The following CHODL variants were observed in gnomAD, a reference collection of about 807,000 sequenced individuals.
The protein encoded by CHODL is transmembrane protein MT75.
CHODL carries 29 observed loss-of-function variants against 34.5 expected under a neutral mutation model. The observed-to-expected ratio is 0.84, with a 90% CI of 0.63 to 1.15. The LOEUF (loss-of-function observed/expected upper bound fraction) is 1.15, where lower values mean the gene tolerates loss of function less well. CHODL is among the 50% of genes most tolerant of loss of function. The pLI, the probability that CHODL is intolerant of heterozygous loss-of-function variation, is 0.00. For synonymous variants in CHODL, 125 were observed against 116.1 expected, an observed-to-expected ratio of 1.08 and a Z score of -0.49; for missense variants, 332 against 332.5, an observed-to-expected ratio of 1.00 and a Z score of 0.01.
intron 2 of CHODL, among the ~76,000 whole-genome samples, chr21:18,114,011 T>C (rs1372135704): frequency 2.0e-5 from 3 of 152,142 alleles, no homozygotes; most frequent in Admixed American, 6.5e-5. Context: ...GAACTGGAGA[T>C]CATTATGTTA....
intron 2 of CHODL, among the ~76,000 whole-genome samples, chr21:18,087,872 C>G (rs1229506968): frequency 6.6e-6 from 1 of 152,154 alleles, no homozygotes; most frequent in Non-Finnish European, 1.5e-5. Context: ...TTAATTGACT[C>G]ATAGTTTTGC....
intron 2 of CHODL, among the ~76,000 whole-genome samples, chr21:18,039,977 G>A (rs1295171218): frequency 6.6e-6 from 1 of 151,632 alleles, no homozygotes; most frequent in African/African-American, 2.4e-5. Context: ...TCCAAACATG[G>A]ACTAAGTTCA....
intron 1 of CHODL, among the ~76,000 whole-genome samples, chr21:18,251,910 T>C (rs1393514195): frequency 1.3e-5 from 2 of 151,362 alleles, no homozygotes; most frequent in Non-Finnish European, 2.9e-5. Context: ...CTGCACATCC[T>C]ACATATGTAC....
intron 2 of CHODL, among the ~76,000 whole-genome samples, chr21:18,186,668 T>C (rs1308272203): frequency 6.6e-6 from 1 of 152,214 alleles, no homozygotes; most frequent in African/African-American, 2.4e-5. Flanking sequence ...TTTAGGAGTC[T>C]CAATAATACC....
intron 1 of CHODL, among the ~76,000 whole-genome samples, chr21:17,926,474 T>G (rs186518181): frequency 2.0e-5 from 3 of 152,038 alleles, no homozygotes; most frequent in Non-Finnish European, 4.4e-5. Flanking sequence ...GAAGTTTAAT[T>G]AACTCACAGT....
rs147213219 is a variant in CHODL, at chr21:18,266,369, C to T, written c.*331C>T. ...GAAGCAATTCCTTTTATTTCTTTCACCTTTCATAAGTTGTTATCTAGTCAA... is the reference window on the plus strand; with the variant it reads ...GAAGCAATTCCTTTTATTTCTTTCATCTTTCATAAGTTGTTATCTAGTCAA... On this transcript the variant is annotated 3_prime_UTR_variant, in exon 6 of 6. Coordinates refer to ENST00000299295, the MANE Select transcript of CHODL (RefSeq NM_024944.3). 190 of 522,832 alleles carry T rather than the reference C, an allele frequency of 3.6e-4. 1 individual carries two copies. Among genetic ancestry groups the T allele is most frequent in the Non-Finnish European group, 5.6e-4 (172 of 306,650 alleles). 32.4% of individuals were successfully genotyped at this position (522,832 alleles called of 1,614,324 possible). A position where few individuals can be genotyped will look rare whatever the true frequency, so the allele number is the denominator to read the frequency against.
At chr21:18,131,337 C>T (rs1190355902) in intron 2 of CHODL, among the ~76,000 whole-genome samples, 1 of 152,002 alleles carries the variant, frequency 6.6e-6, no homozygotes, top group African/African-American at 2.4e-5. Context: ...TCAGTCCATT[C>T]AATATCTTAA....
chr21:18,197,844 A>C (rs1253952007), intron 2 of CHODL, among the ~76,000 whole-genome samples: 1 of 152,190 alleles, frequency 6.6e-6, no homozygotes, highest in Non-Finnish European at 1.5e-5. Flanking sequence ...AGAAGAAGAA[A>C]CTGTAAAAGC....
chr21:18,168,361 A>G (rs1601096833), intron 2 of CHODL, among the ~76,000 whole-genome samples: 2 of 152,162 alleles, frequency 1.3e-5, no homozygotes, highest in African/African-American at 4.8e-5. Context: ...TAACGTGCCT[A>G]TGGTCATAGT....
intron 1 of CHODL, among the ~76,000 whole-genome samples, chr21:17,933,447 A>G (rs902578982): frequency 2.6e-5 from 4 of 152,310 alleles, no homozygotes; most frequent in South Asian, 2.1e-4. Flanking sequence ...TGACTCTTAA[A>G]GAGCATGCTG....
chr21:17,934,430 A>ACTCTCT (rs71189569), intron 1 of CHODL, among the ~76,000 whole-genome samples: 23 of 147,034 alleles, frequency 1.6e-4, no homozygotes, highest in South Asian at 4.3e-4. Flanking sequence ...TCTGTCTTTC[A>ACTCTCT]CTCTCTCTCT....
chr21:18,010,337 AAAAAAG>A (rs2064007071), intron 1 of CHODL, among the ~76,000 whole-genome samples: 1 of 151,022 alleles, frequency 6.6e-6, no homozygotes, highest in African/African-American at 2.4e-5. Flanking sequence ...AAAAAGGAAA[AAAAAAG>A]AAAACTGGTT....
intron 2 of CHODL, among the ~76,000 whole-genome samples, chr21:18,137,568 A>G (rs962868434): frequency 3.2e-4 from 48 of 152,074 alleles, no homozygotes; most frequent in African/African-American, 1.1e-3. Context: ...GAGCAATATC[A>G]CTCTCAACCT....
At chr21:18,068,007 T>C (rs1267869942) in intron 2 of CHODL, among the ~76,000 whole-genome samples, 1 of 152,148 alleles carries the variant, frequency 6.6e-6, no homozygotes, top group Non-Finnish European at 1.5e-5. Flanking sequence ...CTTCCATCTT[T>C]CTCTTTTCAT....
At chr21:17,921,630 C>A (rs548813717) in intron 1 of CHODL, among the ~76,000 whole-genome samples, 1 of 152,160 alleles carries the variant, frequency 6.6e-6, no homozygotes, top group Non-Finnish European at 1.5e-5. Flanking sequence ...TGAATTGAGA[C>A]GTGTGAGAAA....
chr21:18,152,862 C>A (rs1278381617), intron 2 of CHODL, among the ~76,000 whole-genome samples: 1 of 152,184 alleles, frequency 6.6e-6, no homozygotes, highest in South Asian at 2.1e-4. Context: ...AACTATTAGA[C>A]TCCAAATAAA....
At chr21:17,919,765 A>G (rs2063169660) in intron 1 of CHODL, among the ~76,000 whole-genome samples, 1 of 152,100 alleles carries the variant, frequency 6.6e-6, no homozygotes, top group East Asian at 1.9e-4. Flanking sequence ...TAGGCTGCAA[A>G]TTTTTCAAAC....
At chr21:17,988,510 T>C (rs2063772188) in intron 1 of CHODL, among the ~76,000 whole-genome samples, 1 of 140,856 alleles carries the variant, frequency 7.1e-6, no homozygotes, top group Admixed American at 7.1e-5. Context: ...AACTCGTCAT[T>C]TAGCATTAGG....
At chr21:18,172,486 G>T (rs1305010453) in intron 2 of CHODL, among the ~76,000 whole-genome samples, 1 of 151,852 alleles carries the variant, frequency 6.6e-6, no homozygotes, top group Admixed American at 6.6e-5. Context: ...ATTTTTTCAG[G>T]GTCACTTCAG....
Sources: allele counts gnomAD v4.1 joint callset (sites outside exome capture counted in the v4.1 genomes callset), GRCh38; gene constraint gnomAD v4.1.1; transcripts MANE v1.5; gene names NCBI Gene and HGNC (gene_info 2026-07-23, HGNC 2026-07-21).